Variants in HUWE1 observed in about 807,000 individuals in gnomAD.
HUWE1 encodes E3 ubiquitin-protein ligase HUWE1.
Under a neutral mutation model 299.4 loss-of-function variants are expected in HUWE1, and 18 were observed. The observed-to-expected ratio is 0.06, with a 90% CI of 0.04 to 0.09. HUWE1 has a LOEUF of 0.09. Among genes scored for constraint, HUWE1 ranks in the 10% least tolerant of loss-of-function variants. HUWE1 has a pLI of 1.00. For missense variants in HUWE1, 1,832 were observed against 3,462.3 expected, an observed-to-expected ratio of 0.53 and a Z score of 11.82; for synonymous variants, 1,317 against 1,286.1, an observed-to-expected ratio of 1.02 and a Z score of -0.51.
intron 8 of HUWE1, among the ~76,000 whole-genome samples, chrX:53,633,842 T>G (rs1280224755): frequency 1.8e-5 from 2 of 112,209 alleles, no homozygotes; most frequent in Admixed American, 1.9e-4. Context: ...ATGGTAGAAC[T>G]GCTCTCCAAG....
chrX:53,537,164 C>G (rs1446715867), intron 78 of HUWE1: 4 of 247,247 alleles, frequency 1.6e-5, no homozygotes, highest in Non-Finnish European at 2.2e-5. Flanking sequence ...AGCTCCTACG[C>G]TCAGTATTAC....
intron 3 of HUWE1, among the ~76,000 whole-genome samples, chrX:53,664,556 G>A (rs1339487739): frequency 3.6e-5 from 4 of 111,959 alleles, no homozygotes; most frequent in East Asian, 2.8e-4. Context: ...ACGTAAGTAC[G>A]GGAGTGGGGA....
At chrX:53,542,284 T>C (rs1186268311) in intron 74 of HUWE1, among the ~76,000 whole-genome samples, 159 bp downstream of exon 74, 1 of 112,252 alleles carries the variant, frequency 8.9e-6, no homozygotes, top group Middle Eastern at 4.2e-3. Flanking sequence ...AAAGTGTGCC[T>C]TGGTTGTCAA....
chrX:53,684,492 T>G (rs1376936036), intron 2 of HUWE1, among the ~76,000 whole-genome samples: 2 of 111,946 alleles, frequency 1.8e-5, no homozygotes, highest in Non-Finnish European at 3.8e-5. Flanking sequence ...GGCCATGTCC[T>G]GAAAACTGCC....
intron 50 of HUWE1, 130 bp from the exon 51 acceptor site, chrX:53,564,852 G>T: frequency 1.1e-6 from 1 of 927,388 alleles, no homozygotes; most frequent in Non-Finnish European, 1.5e-6. Flanking sequence ...AAACGAATGG[G>T]TGACAAAGGA....
At chrX:53,592,366 C>T in intron 33 of HUWE1, 32 bp downstream of exon 33, 1 of 1,072,830 alleles carries the variant, frequency 9.3e-7, no homozygotes, top group Non-Finnish European at 1.3e-6. Flanking sequence ...GGTGCAAAGT[C>T]TGGACCCTGG....
chrX:53,624,674 C>T lies in HUWE1; in HGVS notation c.1593G>A (p.Val531=), dbSNP rs1557015465. The T allele has an allele frequency of 8.5e-7, 1 of 1,182,831 alleles. No homozygotes were observed. Among genetic ancestry groups the T allele is most frequent in the African/African-American group, 1.8e-5 (1 of 57,135 alleles). ...DPAFSDGIRH[V]MDGSLPTSLK... Reference sequence around the variant, plus strand: ...GGGAGGTAGGCAGAGAACCATCCATCACTAAAAGAAAAGTGAACATTATGG... The same window carrying T: ...GGGAGGTAGGCAGAGAACCATCCATTACTAAAAGAAAAGTGAACATTATGG... Residue 531 remains valine, a splice_region_variant and synonymous_variant, in exon 19 of 84, where the codon GTG becomes GTA. Transcript: ENST00000262854.
chrX:53,625,498 TA>T (rs1412254960), intron 17 of HUWE1: 5 of 315,011 alleles, frequency 1.6e-5, no homozygotes, highest in Non-Finnish European at 2.8e-5. Flanking sequence ...AATTACAAAG[TA>T]AAAAGGTTCA....
chrX:53,685,098 A>AT (rs2070389033), intron 2 of HUWE1, among the ~76,000 whole-genome samples: 1 of 112,278 alleles, frequency 8.9e-6, no homozygotes, highest in African/African-American at 3.2e-5. Flanking sequence ...GGGCTTTTCC[A>AT]TTCTAATGCA....
At chrX:53,578,374 C>T (rs2063316367) in intron 43 of HUWE1, among the ~76,000 whole-genome samples, 1 of 101,464 alleles carries the variant, frequency 9.9e-6, no homozygotes, top group African/African-American at 3.7e-5. Context: ...CAGCCCCCCG[C>T]CCGGCCAGCC....
chrX:53,679,948 C>T (rs1328047623), intron 3 of HUWE1, 101 bp downstream of exon 3: 1 of 291,684 alleles, frequency 3.4e-6, no homozygotes, highest in Non-Finnish European at 6.0e-6. Flanking sequence ...ATGGAAGAAA[C>T]CAAAGTAGCT....
chrX:53,564,763 C>T, intron 50 of HUWE1, 41 bp from the exon 51 acceptor site: 1 of 1,208,894 alleles, frequency 8.3e-7, no homozygotes, highest in Non-Finnish European at 1.1e-6. Context: ...CAAAGAGTGC[C>T]TATGTGCTGG....
chrX:53,628,392 T>C (rs1487057514), intron 15 of HUWE1, 101 bp downstream of exon 15: 3 of 881,127 alleles, frequency 3.4e-6, no homozygotes, highest in Non-Finnish European at 4.7e-6. Flanking sequence ...AGCTTTCTTA[T>C]ATTATTTGCC....
At chrX:53,543,575 A>G (rs1420340150) in intron 73 of HUWE1, 2 of 366,068 alleles carry the variant, frequency 5.5e-6, no homozygotes, top group African/African-American at 5.2e-5. Flanking sequence ...GACAACACTT[A>G]GCATCAGGCA....
intron 43 of HUWE1, 80 bp from the exon 44 acceptor site, chrX:53,577,147 G>A: frequency 2.7e-6 from 2 of 735,032 alleles, no homozygotes; most frequent in South Asian, 2.1e-5. Context: ...CTCAGAAGGG[G>A]GCATGTATGA....
At chrX:53,654,379 A>T (rs1353918295) in intron 3 of HUWE1, among the ~76,000 whole-genome samples, 1 of 112,047 alleles carries the variant, frequency 8.9e-6, no homozygotes, top group Non-Finnish European at 1.9e-5. Context: ...TCAAAATGAA[A>T]ATTTTTTCTC....
intron 3 of HUWE1, among the ~76,000 whole-genome samples, chrX:53,667,648 CATT>C (rs1344928240): frequency 6.2e-5 from 7 of 112,106 alleles, no homozygotes; most frequent in Admixed American, 2.8e-4. Flanking sequence ...GTTGAACCAT[CATT>C]AAGTCGGGGA....
chrX:53,615,923 A>G lies in HUWE1; in HGVS notation c.1958-88T>C, dbSNP rs1414731604. The G allele has an allele frequency of 4.6e-6, 3 of 653,500 alleles. No homozygotes were observed. The African/African-American group carries it at 6.5e-5, about 14-fold the overall frequency. The allele number at this position is 653,500 out of a possible 1,213,427, so 53.9% of individuals were successfully genotyped here. ...TTCTGTACCAACATATAAAGTGGAAAGAAGAAACTGAGCCTGGTTATGATT... is the reference window on the plus strand; with the variant it reads ...TTCTGTACCAACATATAAAGTGGAAGGAAGAAACTGAGCCTGGTTATGATT... On this transcript the variant is annotated intron_variant, in intron 21 of 83. Coordinates refer to ENST00000262854, the MANE Select transcript of HUWE1 (RefSeq NM_031407.7).
At chrX:53,650,173 T>G (rs868920522) in intron 4 of HUWE1, among the ~76,000 whole-genome samples, 1 of 112,294 alleles carries the variant, frequency 8.9e-6, no homozygotes. Context: ...CTAAATGTGT[T>G]AGAGGTTATC....
Sources: gnomAD v4.1 joint callset for allele counts (sites outside exome capture counted in the v4.1 genomes callset) on GRCh38, gnomAD v4.1.1 for gene constraint, MANE v1.5 for transcripts, NCBI Gene and HGNC (gene_info 2026-07-23, HGNC 2026-07-21) for gene names.